The following PTBP3 variants were observed in gnomAD, a reference collection of about 807,000 sequenced individuals.
The protein encoded by PTBP3 is polypyrimidine tract binding protein 3, also known as polypyrimidine tract-binding protein 3.
Under a neutral mutation model 58.7 loss-of-function variants are expected in PTBP3, and 20 were observed. The observed-to-expected ratio is 0.34, with a 90% CI of 0.24 to 0.50. The LOEUF (loss-of-function observed/expected upper bound fraction) is 0.50. Ranked by LOEUF, PTBP3 falls within the 20% of genes least tolerant of loss-of-function variation. PTBP3 has a pLI of 0.98. For missense variants in PTBP3, 509 were observed against 637.2 expected, an observed-to-expected ratio of 0.80 and a Z score of 2.17; for synonymous variants, 185 against 219.8, an observed-to-expected ratio of 0.84 and a Z score of 1.40.
chr9:112,248,731 A>C (rs909128146), intron 7 of PTBP3, among the ~76,000 whole-genome samples: 2 of 152,196 alleles, frequency 1.3e-5, no homozygotes, highest in African/African-American at 2.4e-5. Context: ...GGCATTATGT[A>C]ATGAAACTGA....
rs78251320 is a variant in PTBP3, at chr9:112,266,431, A to C, written c.351+1618T>G. On this transcript the variant is annotated intron_variant, in intron 4 of 13. Coordinates refer to ENST00000374257, the MANE Select transcript of PTBP3 (RefSeq NM_001163788.4). The stretch of plus-strand genomic sequence containing the variant: ...TAAGCACATAATCTCTACAGAAAGC[A>C]ATCATGCAACATATACCAAAATTTA... 5.4e-4 allele frequency among the ~76,000 whole-genome samples: 83 copies of C among 152,358 alleles called. 1 individual carries two copies. The East Asian group carries it at 0.013, about 23-fold the overall frequency.
intron 1 of PTBP3, among the ~76,000 whole-genome samples, chr9:112,318,926 A>G (rs1260671977): frequency 1.3e-5 from 2 of 151,910 alleles, no homozygotes; most frequent in Non-Finnish European, 1.5e-5. Context: ...TCGGGAGTTC[A>G]AGACCAGCCT....
chr9:112,327,162 C>T (rs1253990624), intron 1 of PTBP3, among the ~76,000 whole-genome samples: 1 of 151,784 alleles, frequency 6.6e-6, no homozygotes, highest in Non-Finnish European at 1.5e-5. Context: ...CATGATTGTG[C>T]CACTGTACTC....
chr9:112,350,257 A>T, the PTBP3 span, among the ~76,000 whole-genome samples: 1 of 152,152 alleles, frequency 6.6e-6, no homozygotes, highest in Non-Finnish European at 1.5e-5. Context: ...ATAAAAGACT[A>T]CACATTGGGT....
chr9:112,246,728 A>G (rs1256057237), intron 7 of PTBP3, among the ~76,000 whole-genome samples: 2 of 151,854 alleles, frequency 1.3e-5, no homozygotes, highest in African/African-American at 4.8e-5. Context: ...GAAAAGGTGA[A>G]AAGTGGTAAG....
At chr9:112,296,947 C>A (rs1001460732) in intron 2 of PTBP3, among the ~76,000 whole-genome samples, 5 of 152,174 alleles carry the variant, frequency 3.3e-5, no homozygotes, top group African/African-American at 1.2e-4. Flanking sequence ...CACACTACCA[C>A]TGCCACAGTG....
the PTBP3 span, among the ~76,000 whole-genome samples, chr9:112,343,048 C>T: frequency 6.6e-6 from 1 of 152,096 alleles, no homozygotes; most frequent in Non-Finnish European, 1.5e-5. Flanking sequence ...AACCAAGACT[C>T]CTCAGAGAAG....
chr9:112,310,248 GAC>G (rs1235280708), intron 1 of PTBP3, among the ~76,000 whole-genome samples: 2 of 152,166 alleles, frequency 1.3e-5, no homozygotes, highest in Non-Finnish European at 2.9e-5. Flanking sequence ...CTACTGTTTG[GAC>G]ACAGTTTCAA....
chr9:112,285,314 T>C lies in PTBP3; in HGVS notation c.35-9301A>G, dbSNP rs563601336. Among the ~76,000 whole-genome samples, 9 of 152,328 alleles carry C rather than the reference T, an allele frequency of 5.9e-5. No individual in the cohort carries two copies. The South Asian group carries it at 1.4e-3, about 25-fold the overall frequency. On this transcript the variant is annotated intron_variant, in intron 2 of 13. Transcript: ENST00000374257. ...TTGCCTGCTTCCCCTTCTGCCATGA[T>C]TGTAAGTTTCCTGAGGCCTCCCCAG...
Position 112,221,352 on chromosome 9 carries a change from A to G in PTBP3, c.*2499T>C. 1 of 985,828 alleles carries G rather than the reference A, an allele frequency of 1.0e-6. No individual in the cohort carries two copies. Among genetic ancestry groups the G allele is most frequent in the Non-Finnish European group, 1.2e-6 (1 of 829,918 alleles). 61.1% of individuals were successfully genotyped at this position (985,828 alleles called of 1,614,324 possible). A position where few individuals can be genotyped will look rare whatever the true frequency, so the allele number is the denominator to read the frequency against. On this transcript the variant is annotated 3_prime_UTR_variant, in exon 14 of 14. Coordinates refer to ENST00000374257, the MANE Select transcript of PTBP3 (RefSeq NM_001163788.4). ...TTCAAATGTTCTCTCTCAGACTTAA[A>G]AGGCCATTCCCTACTTCAAAGTTAC... is the stretch of plus-strand genomic sequence containing the variant.
the PTBP3 span, among the ~76,000 whole-genome samples, chr9:112,361,035 T>C: frequency 3.3e-5 from 5 of 152,336 alleles, no homozygotes; most frequent in South Asian, 8.3e-4. Flanking sequence ...TTCAATCTCC[T>C]ATATACTTGA....
chr9:112,350,136 T>C, the PTBP3 span, among the ~76,000 whole-genome samples: 2 of 152,026 alleles, frequency 1.3e-5, no homozygotes, highest in Non-Finnish European at 2.9e-5. Context: ...AATCCAAACA[T>C]CCTATGTTCT....
intron 5 of PTBP3, 37 bp from the exon 6 acceptor site, chr9:112,252,825 A>G (rs2132083448): frequency 8.3e-7 from 1 of 1,202,730 alleles, no homozygotes; most frequent in South Asian, 1.3e-5. Context: ...ATGTAAAAGA[A>G]AAGTATTAAA....
the PTBP3 span, among the ~76,000 whole-genome samples, chr9:112,345,518 G>T: frequency 6.6e-6 from 1 of 151,640 alleles, no homozygotes; most frequent in African/African-American, 2.4e-5. Context: ...TGGGACCGCA[G>T]GAGCACACCA....
the PTBP3 span, among the ~76,000 whole-genome samples, chr9:112,354,576 A>G: frequency 6.6e-6 from 1 of 152,212 alleles, no homozygotes; most frequent in Admixed American, 6.5e-5. Context: ...GTTCTGGAGC[A>G]GTGGGAGTAT....
intron 6 of PTBP3, among the ~76,000 whole-genome samples, chr9:112,251,831 G>T (rs1389997428): frequency 6.6e-6 from 1 of 151,842 alleles, no homozygotes; most frequent in Admixed American, 6.6e-5. Flanking sequence ...TATAATAATG[G>T]TAATTGACAA....
At chr9:112,325,578 T>G (rs183501880) in intron 1 of PTBP3, among the ~76,000 whole-genome samples, 20 of 139,630 alleles carry the variant, frequency 1.4e-4, no homozygotes, top group African/African-American at 5.5e-4. Flanking sequence ...TATATTCACA[T>G]AGTGGAATTC....
intron 2 of PTBP3, among the ~76,000 whole-genome samples, chr9:112,278,130 A>C (rs1474625790): frequency 6.6e-6 from 1 of 152,158 alleles, no homozygotes; most frequent in Admixed American, 6.6e-5. Flanking sequence ...TACCCAAACT[A>C]AAGTGTAAAG....
chr9:112,226,984 A>G (rs991006001), intron 12 of PTBP3, among the ~76,000 whole-genome samples: 3 of 152,226 alleles, frequency 2.0e-5, no homozygotes, highest in African/African-American at 7.2e-5. Context: ...AGTAATTACC[A>G]TATCTATGGC....
Sources: allele counts gnomAD v4.1 joint callset (sites outside exome capture counted in the v4.1 genomes callset), GRCh38; gene constraint gnomAD v4.1.1; transcripts MANE v1.5; gene names NCBI Gene and HGNC (gene_info 2026-07-23, HGNC 2026-07-21).